BCAT1: variants seen among roughly 807,000 people sequenced by gnomAD.
BCAT1 encodes the protein branched chain amino acid transaminase 1.
Under a neutral mutation model 52.4 loss-of-function variants are expected in BCAT1, and 48 were observed. That is an observed-to-expected ratio of 0.92 (90% CI 0.73 to 1.16). The LOEUF is 1.16. Among genes scored for constraint, BCAT1 ranks in the 50% most tolerant of loss-of-function variants. BCAT1 has a pLI of 0.00. For missense variants in BCAT1, 451 were observed against 457.1 expected, an observed-to-expected ratio of 0.99 and a Z score of 0.12; for synonymous variants, 167 against 161.3, an observed-to-expected ratio of 1.04 and a Z score of -0.27.
chr12:24,943,781 A>C (rs2352746), intron 1 of BCAT1, among the ~76,000 whole-genome samples: 89 of 151,882 alleles, frequency 5.9e-4, no homozygotes, highest in Non-Finnish European at 9.6e-4. Flanking sequence ...TCAGGAGATC[A>C]AGACCTTCCT....
chr12:24,862,932 T>A (rs966549716), intron 5 of BCAT1, among the ~76,000 whole-genome samples: 2 of 152,196 alleles, frequency 1.3e-5, no homozygotes, highest in Non-Finnish European at 2.9e-5. Context: ...AATAAACTAA[T>A]GGGCAATCCA....
chr12:24,812,756 T>A lies in BCAT1; in HGVS notation c.*5252A>T, dbSNP rs1004892533. On this transcript the variant is annotated 3_prime_UTR_variant, in exon 11 of 11. Coordinates refer to ENST00000261192, the MANE Select transcript of BCAT1 (RefSeq NM_005504.7). ...TCCTCTGATATCATCTTTCATTAAA[T>A]TTTTCTCCAGAATCCAATAGTGAGC... 1.3e-5 allele frequency: 2 copies of A among 151,992 alleles called. No individual in the cohort carries two copies. Among genetic ancestry groups the A allele is most frequent in the Non-Finnish European group, 2.9e-5 (2 of 67,872 alleles). The allele number at this position is 151,992 out of a possible 1,614,324, so 9.4% of individuals were successfully genotyped here. A position where few individuals can be genotyped will look rare whatever the true frequency, so the allele number is the denominator to read the frequency against.
chr12:24,857,856 G>A (rs1423954773), intron 5 of BCAT1, among the ~76,000 whole-genome samples: 1 of 152,174 alleles, frequency 6.6e-6, no homozygotes, highest in African/African-American at 2.4e-5. Context: ...TAACTAGGCA[G>A]GAAATATGCT....
intron 5 of BCAT1, among the ~76,000 whole-genome samples, chr12:24,867,163 A>G (rs1028727177): frequency 6.6e-6 from 1 of 152,048 alleles, no homozygotes; most frequent in African/African-American, 2.4e-5. Flanking sequence ...CGAACCTACC[A>G]GAAGGAAGAA....
intron 5 of BCAT1, among the ~76,000 whole-genome samples, chr12:24,854,172 T>A (rs1941597784): frequency 6.6e-6 from 1 of 152,152 alleles, no homozygotes; most frequent in South Asian, 2.1e-4. Flanking sequence ...AATTACTTTA[T>A]CAAAAGGCAG....
chr12:24,877,771 C>G (rs1374549049), intron 5 of BCAT1, among the ~76,000 whole-genome samples: 3 of 152,138 alleles, frequency 2.0e-5, no homozygotes, highest in African/African-American at 7.2e-5. Context: ...AAAATAATGA[C>G]TAGTCTTAAT....
chr12:24,833,621 A>G (rs1160723256), intron 8 of BCAT1, among the ~76,000 whole-genome samples: 1 of 152,140 alleles, frequency 6.6e-6, no homozygotes, highest in Non-Finnish European at 1.5e-5. Context: ...ACCATTTATC[A>G]AGCACCCGCT....
At chr12:24,885,160 T>C (rs564401526) in intron 3 of BCAT1, among the ~76,000 whole-genome samples, 21 of 152,200 alleles carry the variant, frequency 1.4e-4, no homozygotes, top group Non-Finnish European at 3.1e-4. Context: ...ACATAGATGA[T>C]ATGATTACAG....
chr12:24,818,073 G>A (rs1345725891), intron 10 of BCAT1, 24 bp from the exon 11 acceptor site: 1 of 1,611,552 alleles, frequency 6.2e-7, no homozygotes. Context: ...AAGAAAACGT[G>A]TTTCAGTACA....
At chr12:24,837,700 T>A (rs2139417816) in intron 7 of BCAT1, among the ~76,000 whole-genome samples, 1 of 152,184 alleles carries the variant, frequency 6.6e-6, no homozygotes, top group East Asian at 1.9e-4. Flanking sequence ...GTGCTGAGAT[T>A]ACAGATGTGA....
chr12:24,935,632 G>A (rs551915074), intron 1 of BCAT1, among the ~76,000 whole-genome samples: 2 of 152,220 alleles, frequency 1.3e-5, no homozygotes, highest in South Asian at 4.1e-4. Context: ...TCATGTCTTT[G>A]TTCCTTTTTC....
intron 5 of BCAT1, among the ~76,000 whole-genome samples, chr12:24,867,289 A>C (rs577721346): frequency 6.6e-6 from 1 of 152,080 alleles, no homozygotes; most frequent in East Asian, 1.9e-4. Flanking sequence ...GAGACCAAGA[A>C]CCCACCAATT....
chr12:24,878,907 T>TA (rs1176959098), intron 4 of BCAT1, among the ~76,000 whole-genome samples: 2 of 152,028 alleles, frequency 1.3e-5, no homozygotes, highest in South Asian at 4.1e-4. Flanking sequence ...ATGGTACCAA[T>TA]AAAAAAAATT....
At chr12:24,905,490 C>G (rs1943210701) in intron 1 of BCAT1, among the ~76,000 whole-genome samples, 1 of 152,070 alleles carries the variant, frequency 6.6e-6, no homozygotes, top group East Asian at 1.9e-4. Flanking sequence ...TAAAATAACT[C>G]AAAAACAATG....
At chr12:24,901,964 A>T in intron 1 of BCAT1, 79 bp from the exon 2 acceptor site, 1 of 1,611,336 alleles carries the variant, frequency 6.2e-7, no homozygotes, top group Non-Finnish European at 8.5e-7. Flanking sequence ...GACGCTCACC[A>T]TGATACCGTG....
intron 5 of BCAT1, among the ~76,000 whole-genome samples, chr12:24,856,809 C>G (rs151139616): frequency 1.3e-5 from 2 of 152,186 alleles, no homozygotes; most frequent in East Asian, 3.9e-4. Context: ...CAAGCTGGCC[C>G]GCAAACTGGT....
At chr12:24,939,738 G>A (rs1055292720) in intron 1 of BCAT1, among the ~76,000 whole-genome samples, 1 of 152,188 alleles carries the variant, frequency 6.6e-6, no homozygotes, top group Non-Finnish European at 1.5e-5. Context: ...TCGGGAGGCT[G>A]AGGAGAATCG....
At chr12:24,868,398 A>C (rs1006734936) in intron 5 of BCAT1, among the ~76,000 whole-genome samples, 1 of 152,238 alleles carries the variant, frequency 6.6e-6, no homozygotes, top group Non-Finnish European at 1.5e-5. Context: ...TTTTAAGTGC[A>C]AAAAACAATA....
At chr12:24,922,267 C>G (rs1386827623) in intron 1 of BCAT1, among the ~76,000 whole-genome samples, 1 of 152,144 alleles carries the variant, frequency 6.6e-6, no homozygotes, top group Admixed American at 6.5e-5. Flanking sequence ...TAGGCTCAAG[C>G]GATCCACCTG....
Sources: gnomAD v4.1 joint callset for allele counts (sites outside exome capture counted in the v4.1 genomes callset) on GRCh38, gnomAD v4.1.1 for gene constraint, MANE v1.5 for transcripts, NCBI Gene and HGNC (gene_info 2026-07-23, HGNC 2026-07-21) for gene names.